LAMB4: variants seen among roughly 807,000 people sequenced by gnomAD.
The protein encoded by LAMB4 is laminin subunit beta-4.
A neutral mutation model predicts 199.2 loss-of-function variants in LAMB4; 196 were observed. The ratio of observed to expected loss-of-function variants is 0.98; its 90% CI spans 0.88 to 1.11. The LOEUF is 1.11. Among genes scored for constraint, LAMB4 ranks in the 50% least tolerant of loss-of-function variants. LAMB4 has a pLI of 0.00. For missense variants in LAMB4, 2,080 were observed against 2,171.2 expected (o/e 0.96, Z 0.83); for synonymous variants, 744 against 770.6 (o/e 0.97, Z 0.57).
rs775773576 is a variant in LAMB4, at chr7:108,098,585, G to A, written c.1181-3C>T. On this transcript the variant is annotated splice_region_variant and splice_polypyrimidine_tract_variant and intron_variant, in intron 10 of 33. Coordinates refer to ENST00000388781, the MANE Select transcript of LAMB4 (RefSeq NM_007356.3). ...CCCATCGGGGTCACATTCACAAGCT[G>A]GGGACACAGACATTCATTGTTTTAG... is the stretch of plus-strand genomic sequence containing the variant. The A allele has an allele frequency of 6.3e-7, 1 of 1,590,930 alleles. No homozygotes were observed.
At chr7:108,070,069 A>G (rs993183401) in intron 17 of LAMB4, among the ~76,000 whole-genome samples, 184 bp from the exon 18 acceptor site, 1 of 152,138 alleles carries the variant, frequency 6.6e-6, no homozygotes, top group Non-Finnish European at 1.5e-5. Context: ...TTAAATATTT[A>G]TATTTCTGGA....
Position 108,103,055 on chromosome 7 carries a change from T to C in LAMB4, c.1169A>G (p.Tyr390Cys), listed in dbSNP as rs1584757230. The C allele has an allele frequency of 2.4e-5, 39 of 1,591,962 alleles. No homozygotes were observed. Among genetic ancestry groups the C allele is most frequent in the Non-Finnish European group, 3.3e-5 (38 of 1,163,224 alleles). Residue 390 changes from tyrosine (Y) to cysteine (C), a missense_variant, in exon 10 of 34, where the codon TAC becomes TGC. Tyr to Cys is a radical substitution (Grantham distance 194). Coordinates refer to ENST00000388781, the MANE Select transcript of LAMB4 (RefSeq NM_007356.3). ...ACCCGGGGACTCACGAATGCACGCG[T>C]AGGGATCTGAGATGGTCTTGAGCGG... ...RDPLKTISDP[Y>C]ACIPCECDPD...
chr7:108,034,017 G>A lies in LAMB4; in HGVS notation c.4818+191C>T, dbSNP rs542650757. On this transcript the variant is annotated intron_variant, in intron 31 of 33. Coordinates refer to ENST00000388781, the MANE Select transcript of LAMB4 (RefSeq NM_007356.3). ...CCTTGGTGCAACCCCAGAATTGGTCGCAATTAATATGACGGTGAGACGTGC... is the reference window on the plus strand; with the variant it reads ...CCTTGGTGCAACCCCAGAATTGGTCACAATTAATATGACGGTGAGACGTGC... 1.4e-4 allele frequency among the ~76,000 whole-genome samples: 21 copies of A among 152,044 alleles called. 1 individual carries two copies. The highest frequency in any genetic ancestry group is 3.4e-3 in the Middle Eastern group (1 of 294).
chr7:108,118,770 C>T (rs2038498344), intron 2 of LAMB4, among the ~76,000 whole-genome samples: 1 of 151,660 alleles, frequency 6.6e-6, no homozygotes, highest in African/African-American at 2.4e-5. Flanking sequence ...AACCATGATC[C>T]ATAAAAGGAG....
At chr7:108,079,565 G>A (rs770049549) in intron 15 of LAMB4, 36 bp downstream of exon 15, 6 of 1,515,704 alleles carry the variant, frequency 4.0e-6, no homozygotes, top group Admixed American at 3.9e-5. Flanking sequence ...ATTTCTGTCA[G>A]CTTTTCACCA....
rs759869138 is a variant in LAMB4, at chr7:108,123,207, AAAAAGGT to A, written c.-33-17_-33-11del. The A allele has an allele frequency of 3.3e-6, 5 of 1,532,576 alleles. No individual in the cohort carries two copies. The South Asian group carries it at 5.9e-5, about 18-fold the overall frequency. 94.9% of individuals were successfully genotyped at this position (1,532,576 alleles called of 1,614,324 possible). A position where few individuals can be genotyped will look rare whatever the true frequency, so the allele number is the denominator to read the frequency against. On this transcript the variant is annotated splice_polypyrimidine_tract_variant and intron_variant, in intron 1 of 33. Transcript: ENST00000388781. ...ATTAAATTCAATTCTACTGGGTTAA[AAAAAGGT>A]TAAAGTCAATCACTGATAGAAGAAA...
At chr7:108,116,565 A>C (rs535933675) in intron 2 of LAMB4, among the ~76,000 whole-genome samples, 2 of 152,316 alleles carry the variant, frequency 1.3e-5, no homozygotes, top group South Asian at 4.2e-4. Flanking sequence ...CTTCCATGAA[A>C]CTAAAACGAA....
chr7:108,089,750 C>A (rs2037326772), intron 14 of LAMB4, among the ~76,000 whole-genome samples: 1 of 152,196 alleles, frequency 6.6e-6, no homozygotes, highest in African/African-American at 2.4e-5. Context: ...GCAGCCTCAA[C>A]CTCCCAGGCC....
rs947924715 is a variant in LAMB4, at chr7:108,037,320, C to T, written c.4679+68G>A. 31 of 1,268,072 alleles carry T rather than the reference C, an allele frequency of 2.4e-5. No homozygotes were observed. The African/African-American group carries it at 4.2e-4, about 17-fold the overall frequency. 78.6% of individuals were successfully genotyped at this position (1,268,072 alleles called of 1,614,324 possible). On this transcript the variant is annotated intron_variant, in intron 30 of 33. Transcript: ENST00000388781. ...TGAATGCTATAGATCCCTAGGCAAACATTTTCCTGATGTCCTTTCAGCAGA... is the reference window on the plus strand; with the variant it reads ...TGAATGCTATAGATCCCTAGGCAAATATTTTCCTGATGTCCTTTCAGCAGA...
chr7:108,043,981 CCA>C, intron 28 of LAMB4, 85 bp from the exon 29 acceptor site: 1 of 1,158,282 alleles, frequency 8.6e-7, no homozygotes, highest in East Asian at 2.7e-5. Context: ...CTTAGCTGGA[CCA>C]AATAAAACTG....
chr7:108,088,508 A>G (rs2037275081), intron 14 of LAMB4, among the ~76,000 whole-genome samples: 1 of 152,336 alleles, frequency 6.6e-6, no homozygotes, highest in Admixed American at 6.5e-5. Flanking sequence ...CATCAGAAGT[A>G]TTAATTATAC....
At chr7:108,030,702 A>G in intron 32 of LAMB4, 104 bp downstream of exon 32, 2 of 1,068,610 alleles carry the variant, frequency 1.9e-6, no homozygotes, top group Non-Finnish European at 2.8e-6. Context: ...ATGGACCAGC[A>G]CAAAGGAAAT....
intron 29 of LAMB4, among the ~76,000 whole-genome samples, chr7:108,040,569 A>G (rs1022451767): frequency 1.3e-5 from 2 of 152,178 alleles, no homozygotes; most frequent in African/African-American, 4.8e-5. Context: ...AGACACATAG[A>G]TGAATGGAAC....
At position 108,039,471 on chromosome 7, in the gene LAMB4, T is replaced by TTTC. The variant is rs1491257898; in HGVS notation, c.4472-1877_4472-1876insGAA. On this transcript the variant is annotated intron_variant, in intron 29 of 33. Coordinates refer to ENST00000388781, the MANE Select transcript of LAMB4 (RefSeq NM_007356.3). ...CTTTAAAGAAACAGTACTTTCTTTC[T>TTTC]TTTTTTTTTTTTTTTGAGATGGTGT... 6.0e-5 allele frequency among the ~76,000 whole-genome samples: 4 copies of TTTC among 66,768 alleles called. No homozygotes were observed. In the African/African-American group the frequency reaches 9.3e-4, roughly 16 times the overall value. The allele number at this position is 66,768 out of a possible 152,430, so 43.8% of individuals were successfully genotyped here. A position where few individuals can be genotyped will look rare whatever the true frequency, so the allele number is the denominator to read the frequency against.
At chr7:108,067,911 G>T in intron 19 of LAMB4, 105 bp downstream of exon 19, 1 of 1,364,534 alleles carries the variant, frequency 7.3e-7, no homozygotes, top group South Asian at 1.3e-5. Context: ...AATGTAGTCA[G>T]GTTTCCAATC....
intron 28 of LAMB4, among the ~76,000 whole-genome samples, chr7:108,045,717 A>T (rs1431739912): frequency 6.6e-6 from 1 of 152,228 alleles, no homozygotes; most frequent in South Asian, 2.1e-4. Flanking sequence ...ACCAGGATTT[A>T]CATTGCTATG....
chr7:108,069,718 A>T lies in LAMB4; in HGVS notation c.2292T>A (p.Asp764Glu). Residue 764 changes from aspartate (D) to glutamate (E), a missense_variant, in exon 18 of 34, where the codon GAT becomes GAA. Coordinates refer to ENST00000388781, the MANE Select transcript of LAMB4 (RefSeq NM_007356.3). ...LIISMSAKLH[D>E]GAVACKCHPQ... is the part of the protein sequence containing the mutation. ...TAAACAGATACTTACCCACAGCCCCATCATGCAGCTTGGCAGACATGCTGA... is the reference window on the plus strand; with the variant it reads ...TAAACAGATACTTACCCACAGCCCCTTCATGCAGCTTGGCAGACATGCTGA... 1 of 1,613,660 alleles carries T rather than the reference A, an allele frequency of 6.2e-7. No homozygotes were observed. The highest frequency in any genetic ancestry group is 8.5e-7 in the Non-Finnish European group (1 of 1,179,684).
At chr7:108,104,211 C>G (rs1040134345) in intron 9 of LAMB4, among the ~76,000 whole-genome samples, 1 of 152,164 alleles carries the variant, frequency 6.6e-6, no homozygotes, top group African/African-American at 2.4e-5. Flanking sequence ...TGCCTTGTCC[C>G]CACTGATATT....
At chr7:108,067,966 A>T in intron 19 of LAMB4, 50 bp downstream of exon 19, 1 of 1,611,212 alleles carries the variant, frequency 6.2e-7, no homozygotes, top group Non-Finnish European at 8.5e-7. Context: ...CTGCTGTCAA[A>T]ATGTCAAGAC....
Sources: allele counts gnomAD v4.1 joint callset (sites outside exome capture counted in the v4.1 genomes callset), GRCh38; gene constraint gnomAD v4.1.1; transcripts MANE v1.5; gene names NCBI Gene and HGNC (gene_info 2026-07-23, HGNC 2026-07-21).